SLC5A1: variants seen among roughly 807,000 people sequenced by gnomAD.
The protein encoded by SLC5A1 is solute carrier family 5 member 1.
Under a neutral mutation model 73.5 loss-of-function variants are expected in SLC5A1, and 42 were observed. The observed-to-expected ratio is 0.57, with a 90% confidence interval of 0.45 to 0.74. The LOEUF is 0.74. Ranked by LOEUF, SLC5A1 falls within the 30% of genes least tolerant of loss-of-function variation. The pLI, the probability that SLC5A1 is intolerant of heterozygous loss-of-function variation, is 0.00. For synonymous variants in SLC5A1, 300 were observed against 317.4 expected (o/e 0.95, Z 0.58); for missense variants, 634 against 855.4 (o/e 0.74, Z 3.23).
intron 2 of SLC5A1, among the ~76,000 whole-genome samples, chr22:32,051,090 C>T (rs1193997431): frequency 6.6e-6 from 1 of 152,194 alleles, no homozygotes; most frequent in African/African-American, 2.4e-5. Flanking sequence ...GCCCCAGGTA[C>T]ACAGCCCAGT....
intron 8 of SLC5A1, 114 bp downstream of exon 8, chr22:32,084,773 G>A (rs2094005394): frequency 1.3e-6 from 2 of 1,521,700 alleles, no homozygotes; most frequent in East Asian, 2.3e-5. Context: ...CAGGTGGTTT[G>A]TAAGTTGCCA....
At position 32,099,365 on chromosome 22, in the gene SLC5A1, G is replaced by T; in HGVS notation, c.1449+14G>T. 1 of 1,609,238 alleles carries T rather than the reference G, an allele frequency of 6.2e-7. No individual in the cohort carries two copies. The highest frequency in any genetic ancestry group is 8.5e-7 in the Non-Finnish European group (1 of 1,177,364). Reference sequence around the variant, plus strand: ...GTCAATGAGCCAGTAGGTATCATCTGGGCATGTCCAGAAAAGTCATTCTGG... The same window carrying T: ...GTCAATGAGCCAGTAGGTATCATCTTGGCATGTCCAGAAAAGTCATTCTGG... On this transcript the variant is annotated intron_variant, in intron 12 of 14. Coordinates refer to ENST00000266088, the MANE Select transcript of SLC5A1 (RefSeq NM_000343.4).
intron 2 of SLC5A1, among the ~76,000 whole-genome samples, chr22:32,054,397 A>C (rs2093948909): frequency 6.6e-6 from 1 of 152,186 alleles, no homozygotes; most frequent in African/African-American, 2.4e-5. Flanking sequence ...AATAATAGTT[A>C]AGTGCTCAGA....
chr22:32,075,410 T>A (rs989018379), intron 5 of SLC5A1, among the ~76,000 whole-genome samples: 2 of 152,014 alleles, frequency 1.3e-5, no homozygotes, highest in Non-Finnish European at 2.9e-5. Context: ...ATGGGATAGA[T>A]CATGTGGTCT....
chr22:32,065,154 T>C (rs117655982), intron 2 of SLC5A1, among the ~76,000 whole-genome samples: 6,816 of 152,170 alleles, frequency 0.045, 208 homozygotes, highest in Non-Finnish European at 0.07. Flanking sequence ...ACTATGTTGC[T>C]CAGGCTGGTC....
chr22:32,043,383 C>T lies in SLC5A1; in HGVS notation c.102C>T (p.Ile34=). The change falls in exon 1 of 15, where the codon ATC becomes ATT. Residue 34 remains isoleucine (I), a synonymous_variant. Transcript: ENST00000266088. This position sits in a 1 kb window ranked among gnomAD's most constrained non-coding sequence, Gnocchi z 6.5. ...RNAADISIIV[I]YFVVVMAVGL... ...CAGCCGATATCTCCATCATCGTTAT[C>T]TACTTCGTGGTAGTGATGGCCGTCG... The T allele has an allele frequency of 5.0e-6, 8 of 1,614,126 alleles. No individual in the cohort carries two copies. Among genetic ancestry groups the T allele is most frequent in the Non-Finnish European group, 6.8e-6 (8 of 1,180,012 alleles).
At chr22:32,052,076 G>A (rs1356133113) in intron 2 of SLC5A1, among the ~76,000 whole-genome samples, 1 of 152,224 alleles carries the variant, frequency 6.6e-6, no homozygotes, top group Admixed American at 6.5e-5. Flanking sequence ...AGTGAGGTAA[G>A]TAGAGTGAAG....
At chr22:32,050,751 C>G (rs1176825643) in intron 2 of SLC5A1, among the ~76,000 whole-genome samples, 1 of 152,202 alleles carries the variant, frequency 6.6e-6, no homozygotes, top group East Asian at 1.9e-4. Context: ...AGGGAAGGAG[C>G]AAGGACTCCA....
At chr22:32,107,062 G>C (rs1488703533) in intron 14 of SLC5A1, among the ~76,000 whole-genome samples, 1 of 152,166 alleles carries the variant, frequency 6.6e-6, no homozygotes, top group Non-Finnish European at 1.5e-5. Context: ...ATCTGCTCTT[G>C]ATCTTCGAGT....
chr22:32,069,962 G>A (rs2093980081), intron 5 of SLC5A1, among the ~76,000 whole-genome samples: 1 of 152,120 alleles, frequency 6.6e-6, no homozygotes, highest in Admixed American at 6.5e-5. Flanking sequence ...CAAGGCTCCT[G>A]CTTTTTCTTG....
At chr22:32,062,459 T>G (rs2093964799) in intron 2 of SLC5A1, among the ~76,000 whole-genome samples, 1 of 152,196 alleles carries the variant, frequency 6.6e-6, no homozygotes, top group Non-Finnish European at 1.5e-5. Flanking sequence ...CCTGTTGGGT[T>G]TGGTCAGACT....
At chr22:32,099,919 G>A (rs527456595) in intron 12 of SLC5A1, among the ~76,000 whole-genome samples, 2 of 152,304 alleles carry the variant, frequency 1.3e-5, no homozygotes, top group African/African-American at 2.4e-5. Context: ...AACAAAGTGC[G>A]TAAGAAGTAA....
rs1281732329 is a variant in SLC5A1 at position 32,043,999 on chromosome 22, A to AAGG, written c.135+594_135+596dup. ...TTAGAGATGAGAAAGATGGGTGGAAAAGGAGGAGGAGGAAGACCTGGGGGT... is the reference window on the plus strand; with the variant it reads ...TTAGAGATGAGAAAGATGGGTGGAAAAGGAGGAGGAGGAGGAAGACCTGGGGGT... On this transcript the variant is annotated intron_variant, in intron 1 of 14. Coordinates refer to ENST00000266088, the MANE Select transcript of SLC5A1 (RefSeq NM_000343.4). The surrounding 1 kb of genome is among the most constrained non-coding windows in gnomAD (Gnocchi z 6.5). 6.6e-6 allele frequency among the ~76,000 whole-genome samples: 1 copy of AAGG among 152,040 alleles called. No individual in the cohort carries two copies. Among genetic ancestry groups the AAGG allele is most frequent in the Non-Finnish European group, 1.5e-5 (1 of 67,982 alleles).
intron 10 of SLC5A1, among the ~76,000 whole-genome samples, chr22:32,090,554 T>TC (rs1169251424): frequency 6.6e-6 from 1 of 152,216 alleles, no homozygotes; most frequent in South Asian, 2.1e-4. Flanking sequence ...GCATTTTGTT[T>TC]ATCCACTTAT....
chr22:32,103,430 A>G (rs2094039840), intron 13 of SLC5A1, among the ~76,000 whole-genome samples: 1 of 152,234 alleles, frequency 6.6e-6, no homozygotes, highest in Non-Finnish European at 1.5e-5. Flanking sequence ...ATGCCAGGAA[A>G]CATGGTGTGC....
intron 2 of SLC5A1, among the ~76,000 whole-genome samples, chr22:32,055,288 C>T (rs1274833217): frequency 6.6e-6 from 1 of 152,190 alleles, no homozygotes. Context: ...GGAACAAAGC[C>T]TGTGCCTAAA....
At chr22:32,044,832 C>A (rs1374104850) in intron 1 of SLC5A1, among the ~76,000 whole-genome samples, 1 of 152,084 alleles carries the variant, frequency 6.6e-6, no homozygotes, top group Non-Finnish European at 1.5e-5. Flanking sequence ...TGTTTATGGA[C>A]TCTAGGATTA....
In SLC5A1 at chr22:32,099,357, T is replaced by C. The variant is rs1438065710; in HGVS notation, c.1449+6T>C. ...GGAAGAGAGTCAATGAGCCAGTAGG[T>C]ATCATCTGGGCATGTCCAGAAAAGT... is the stretch of plus-strand genomic sequence containing the variant. On this transcript the variant is annotated splice_donor_region_variant and intron_variant, in intron 12 of 14. Transcript: ENST00000266088. The C allele has an allele frequency of 3.7e-6, 6 of 1,610,916 alleles. No individual in the cohort carries two copies. Among genetic ancestry groups the C allele is most frequent in the Non-Finnish European group, 5.1e-6 (6 of 1,178,356 alleles).
chr22:32,102,502 T>C (rs973358156), intron 13 of SLC5A1, among the ~76,000 whole-genome samples: 4 of 152,148 alleles, frequency 2.6e-5, no homozygotes, highest in Admixed American at 2.6e-4. Context: ...TTATGGTGGC[T>C]CATGCCTGTA....
Sources: gnomAD v4.1 joint callset for allele counts (sites outside exome capture counted in the v4.1 genomes callset) on GRCh38, gnomAD v4.1.1 for gene constraint, Gnocchi (gnomAD v3.1) non-coding constraint, MANE v1.5 for transcripts, NCBI Gene and HGNC (gene_info 2026-07-23, HGNC 2026-07-21) for gene names.